The following DCLK2 variants were observed in gnomAD, a reference collection of about 807,000 sequenced individuals.
DCLK2 encodes the protein doublecortin like kinase 2, also known as serine/threonine-protein kinase DCLK2.
In DCLK2, 31 loss-of-function variants were observed where a neutral mutation model predicts 78.4. The observed-to-expected ratio is 0.40, with a 90% CI of 0.30 to 0.53. DCLK2 has a LOEUF of 0.53. Among genes scored for constraint, DCLK2 ranks in the 20% least tolerant of loss-of-function variants. The pLI, the probability that DCLK2 is intolerant of heterozygous loss-of-function variation, is 0.61. For missense variants in DCLK2, 872 were observed against 973.7 expected (o/e 0.90, Z 1.39); for synonymous variants, 407 against 374.9 (o/e 1.09, Z -0.99).
At chr4:150,089,308 A>G (rs1476542676) in intron 1 of DCLK2, among the ~76,000 whole-genome samples, 2 of 152,216 alleles carry the variant, frequency 1.3e-5, no homozygotes, top group East Asian at 3.9e-4. Flanking sequence ...CAGCAAGATT[A>G]ACATAAAGGC....
At chr4:150,095,431 A>G (rs1730388571) in intron 1 of DCLK2, among the ~76,000 whole-genome samples, 1 of 152,246 alleles carries the variant, frequency 6.6e-6, no homozygotes, top group South Asian at 2.1e-4. Flanking sequence ...TATAAAACTC[A>G]TCCAAGTTGT....
intron 2 of DCLK2, among the ~76,000 whole-genome samples, chr4:150,179,563 T>C (rs183812534): frequency 6.6e-4 from 100 of 152,312 alleles, no homozygotes; most frequent in African/African-American, 2.4e-3. Context: ...ATGTGCTCAT[T>C]GTATGCTAAA....
At chr4:150,201,457 C>T (rs1350669392) in intron 4 of DCLK2, among the ~76,000 whole-genome samples, 1 of 152,162 alleles carries the variant, frequency 6.6e-6, no homozygotes, top group African/African-American at 2.4e-5. Context: ...TTGTTTAGAA[C>T]TTTCCAAATG....
intron 2 of DCLK2, among the ~76,000 whole-genome samples, chr4:150,190,922 T>A (rs576573272): frequency 3.0e-4 from 46 of 152,160 alleles, no homozygotes; most frequent in African/African-American, 1.1e-3. Context: ...GGAGACCCCA[T>A]CTCTACCTAC....
At chr4:150,121,392 A>G in intron 2 of DCLK2, among the ~76,000 whole-genome samples, 1 of 152,186 alleles carries the variant, frequency 6.6e-6, no homozygotes, top group South Asian at 2.1e-4. Context: ...AGTAGATTCC[A>G]CCTCAAGGCC....
chr4:150,151,197 CTA>C, intron 2 of DCLK2, among the ~76,000 whole-genome samples: 1 of 152,316 alleles, frequency 6.6e-6, no homozygotes, highest in Non-Finnish European at 1.5e-5. Context: ...CACATCCCAG[CTA>C]TATAGGAGGG....
intron 1 of DCLK2, among the ~76,000 whole-genome samples, chr4:150,091,653 C>G (rs1424077009): frequency 6.6e-6 from 1 of 152,058 alleles, no homozygotes; most frequent in African/African-American, 2.4e-5. Context: ...CATACTATAA[C>G]AGAGGTGTAT....
At chr4:150,206,828 C>A (rs530066359) in intron 5 of DCLK2, among the ~76,000 whole-genome samples, 1 of 152,300 alleles carries the variant, frequency 6.6e-6, no homozygotes, top group African/African-American at 2.4e-5. Flanking sequence ...CATCTCATTA[C>A]AGTTCCCATA....
intron 5 of DCLK2, among the ~76,000 whole-genome samples, chr4:150,206,393 T>G (rs1739845038): frequency 1.3e-5 from 2 of 151,738 alleles, no homozygotes; most frequent in South Asian, 4.2e-4. Context: ...AAGACAAATT[T>G]GTTGATTAAG....
In DCLK2 at chr4:150,157,167, GT is replaced by G. The variant is rs34730849; in HGVS notation, c.757-35956del. Reference sequence around the variant, plus strand: ...TTAGCTGGTTTAGTGTTTCTCACCTGTTTTTTTTTTTTTTTGTTACTGTCCT... The same window carrying G: ...TTAGCTGGTTTAGTGTTTCTCACCTGTTTTTTTTTTTTTTGTTACTGTCCT... On this transcript the variant is annotated intron_variant, in intron 2 of 15. Coordinates refer to ENST00000296550, the MANE Select transcript of DCLK2 (RefSeq NM_001040260.4). Among the ~76,000 whole-genome samples, 865 of 137,212 alleles carry G rather than the reference GT, an allele frequency of 6.3e-3. 2 individuals carry two copies. The highest frequency in any genetic ancestry group is 8.5e-3 in the Non-Finnish European group (544 of 63,644). 90.0% of individuals were successfully genotyped at this position (137,212 alleles called of 152,430 possible). A position where few individuals can be genotyped will look rare whatever the true frequency, so the allele number is the denominator to read the frequency against.
At chr4:150,140,824 A>T (rs920060600) in intron 2 of DCLK2, among the ~76,000 whole-genome samples, 4 of 152,236 alleles carry the variant, frequency 2.6e-5, no homozygotes, top group Admixed American at 2.0e-4. Context: ...ACTAGTAAAT[A>T]TGTACTAGAT....
chr4:150,149,703 G>A (rs1734751441), intron 2 of DCLK2, among the ~76,000 whole-genome samples: 1 of 152,192 alleles, frequency 6.6e-6, no homozygotes, highest in African/African-American at 2.4e-5. Context: ...ATGAGGCAAG[G>A]AAGCAAGAAC....
intron 2 of DCLK2, among the ~76,000 whole-genome samples, chr4:150,105,895 G>T (rs930474171): frequency 1.3e-5 from 2 of 151,858 alleles, no homozygotes; most frequent in African/African-American, 4.8e-5. Flanking sequence ...TAATTCAGAA[G>T]GAAACAAGAT....
At chr4:150,133,834 G>T (rs1166064491) in intron 2 of DCLK2, among the ~76,000 whole-genome samples, 1 of 152,182 alleles carries the variant, frequency 6.6e-6, no homozygotes, top group Non-Finnish European at 1.5e-5. Context: ...AACAAGGGTT[G>T]TAGCAAAGCA....
intron 7 of DCLK2, among the ~76,000 whole-genome samples, chr4:150,222,947 CAGAG>C (rs1265666712): frequency 1.3e-5 from 2 of 151,854 alleles, no homozygotes; most frequent in African/African-American, 2.4e-5. Context: ...AGAAAAGACT[CAGAG>C]TCTTGGTTCA....
At chr4:150,084,487 CT>C (rs1363144537) in intron 1 of DCLK2, among the ~76,000 whole-genome samples, 7 of 152,108 alleles carry the variant, frequency 4.6e-5, no homozygotes, top group African/African-American at 1.7e-4. Flanking sequence ...ATCTCATTTC[CT>C]TAAAAACAAG....
At chr4:150,236,665 G>T (rs1401475082) in intron 10 of DCLK2, among the ~76,000 whole-genome samples, 2 of 152,154 alleles carry the variant, frequency 1.3e-5, no homozygotes, top group Non-Finnish European at 2.9e-5. Context: ...TATCTATCTA[G>T]AGAGAGATAT....
chr4:150,092,153 G>A (rs1436220210), intron 1 of DCLK2, among the ~76,000 whole-genome samples: 4 of 152,024 alleles, frequency 2.6e-5, no homozygotes, highest in Non-Finnish European at 5.9e-5. Flanking sequence ...CATTTTTAAA[G>A]ACTGAATAAT....
rs1223510570 is a variant in DCLK2 at position 150,098,618 on chromosome 4, T to C, written c.422-3860T>C. Among the ~76,000 whole-genome samples, 3 of 152,252 alleles carry C rather than the reference T, an allele frequency of 2.0e-5. No homozygotes were observed. In the East Asian group the frequency reaches 5.8e-4, roughly 29 times the overall value. ...TCTGAGATTTTAGTGCACCTGTCAC[T>C]TTGTTTTGGTGAGGGCAGTTTTAAC... On this transcript the variant is annotated intron_variant, in intron 1 of 15. Transcript: ENST00000296550.
Sources: gnomAD v4.1 joint callset for allele counts (sites outside exome capture counted in the v4.1 genomes callset) on GRCh38, gnomAD v4.1.1 for gene constraint, MANE v1.5 for transcripts, NCBI Gene and HGNC (gene_info 2026-07-23, HGNC 2026-07-21) for gene names.